The following MID1 variants were observed in gnomAD, a reference collection of about 807,000 sequenced individuals.
MID1 encodes the protein midline 1, also known as E3 ubiquitin-protein ligase Midline-1.
Under a neutral mutation model 40.4 loss-of-function variants are expected in MID1, and 7 were observed. The ratio of observed to expected loss-of-function variants is 0.17; its 90% confidence interval spans 0.10 to 0.33. The LOEUF (loss-of-function observed/expected upper bound fraction) is 0.33. Ranked by LOEUF, MID1 falls within the 10% of genes least tolerant of loss-of-function variation. The pLI is 1.00. For synonymous variants in MID1, 229 were observed against 221.2 expected, an observed-to-expected ratio of 1.04 and a Z score of -0.31; for missense variants, 367 against 558.5, an observed-to-expected ratio of 0.66 and a Z score of 3.46.
At chrX:10,558,929 T>C (rs915330062) in intron 2 of MID1, among the ~76,000 whole-genome samples, 2 of 112,089 alleles carry the variant, frequency 1.8e-5, no homozygotes, top group Non-Finnish European at 3.8e-5. Context: ...CCAACAATAA[T>C]AAATCACTAG....
chrX:10,584,947 T>G (rs1021496572), intron 1 of MID1, among the ~76,000 whole-genome samples: 3 of 110,246 alleles, frequency 2.7e-5, no homozygotes, highest in African/African-American at 9.9e-5. Context: ...AACTCTAAGG[T>G]GGGGGGGTCC....
intron 1 of MID1, among the ~76,000 whole-genome samples, chrX:10,832,643 A>T (rs186690696): frequency 1.3e-3 from 145 of 112,030 alleles, no homozygotes; most frequent in Non-Finnish European, 2.2e-3. Flanking sequence ...ATAAAAATAA[A>T]TTTTTTTACC....
At chrX:10,560,792 T>C (rs1934305125) in intron 2 of MID1, among the ~76,000 whole-genome samples, 1 of 111,109 alleles carries the variant, frequency 9.0e-6, no homozygotes, top group African/African-American at 3.3e-5. Context: ...ATGGCCATAC[T>C]GCCCAAAGTA....
intron 1 of MID1, among the ~76,000 whole-genome samples, chrX:10,637,220 CA>C (rs993779823): frequency 9.1e-6 from 1 of 109,716 alleles, no homozygotes; most frequent in African/African-American, 3.3e-5. Context: ...CTGTGTTCAC[CA>C]AAAAAAACTT....
chrX:10,753,766 A>T (rs1461793383), intron 1 of MID1, among the ~76,000 whole-genome samples: 1 of 112,441 alleles, frequency 8.9e-6, no homozygotes, highest in Non-Finnish European at 1.9e-5. Flanking sequence ...TGTCCCCAAA[A>T]TATCCACATC....
intron 1 of MID1, among the ~76,000 whole-genome samples, chrX:10,785,345 T>C (rs1344548061): frequency 9.0e-6 from 1 of 111,158 alleles, no homozygotes; most frequent in Admixed American, 9.5e-5. Flanking sequence ...GAACATTCCA[T>C]GCTCATGGGT....
intron 1 of MID1, among the ~76,000 whole-genome samples, chrX:10,762,526 T>G (rs1019405729): frequency 9.1e-6 from 1 of 109,596 alleles, no homozygotes; most frequent in Non-Finnish European, 1.9e-5. Flanking sequence ...CTCAACCTCC[T>G]GGGCTCAAGT....
intron 1 of MID1, among the ~76,000 whole-genome samples, chrX:10,745,766 T>C (rs1225930169): frequency 8.9e-6 from 1 of 112,183 alleles, no homozygotes; most frequent in Admixed American, 9.4e-5. Flanking sequence ...TGTAGAGACA[T>C]TGAGAATGTA....
intron 3 of MID1, chrX:10,501,370 T>C: frequency 8.9e-7 from 1 of 1,128,333 alleles, no homozygotes; most frequent in Non-Finnish European, 1.2e-6. Flanking sequence ...TTTCACCTCA[T>C]CTCATTTTTG....
intron 2 of MID1, among the ~76,000 whole-genome samples, chrX:10,537,124 C>A (rs189606825): frequency 4.9e-4 from 54 of 110,819 alleles, no homozygotes; most frequent in African/African-American, 1.7e-3. Context: ...CTCTCTCACA[C>A]GCAAAAAAAC....
intron 6 of MID1, among the ~76,000 whole-genome samples, chrX:10,472,974 G>A (rs948115537): frequency 8.9e-6 from 1 of 112,283 alleles, no homozygotes; most frequent in Non-Finnish European, 1.9e-5. Flanking sequence ...AAACTCATTC[G>A]CAAATGATAT....
chrX:10,588,595 C>G lies in MID1; in HGVS notation c.-56-20992G>C, dbSNP rs1935193757. 2.7e-5 allele frequency among the ~76,000 whole-genome samples: 3 copies of G among 109,203 alleles called. No individual in the cohort carries two copies. In the Admixed American group the frequency reaches 2.9e-4, roughly 11 times the overall value. 94.8% of individuals were successfully genotyped at this position (109,203 alleles called of 115,157 possible). A position where few individuals can be genotyped will look rare whatever the true frequency, so the allele number is the denominator to read the frequency against. The stretch of plus-strand genomic sequence containing the variant: ...ACTACTTGTATATTTCTCTCTTTCT[C>G]TTTTTCTTTCTCTCTTTGACTTTCT... On this transcript the variant is annotated intron_variant, in intron 1 of 9. Coordinates refer to ENST00000317552, the MANE Select transcript of MID1 (RefSeq NM_000381.4).
intron 1 of MID1, among the ~76,000 whole-genome samples, chrX:10,698,307 C>T (rs1156913527): frequency 1.8e-5 from 2 of 112,076 alleles, no homozygotes; most frequent in African/African-American, 3.2e-5. Context: ...AACTTGTGTT[C>T]GCCCTTGAAT....
At chrX:10,651,022 C>T (rs903449684) in intron 1 of MID1, among the ~76,000 whole-genome samples, 2 of 111,701 alleles carry the variant, frequency 1.8e-5, no homozygotes, top group Non-Finnish European at 3.8e-5. Context: ...AAAGATCCCC[C>T]ACATCTACAT....
chrX:10,653,181 T>C (rs1421794616), intron 1 of MID1, among the ~76,000 whole-genome samples: 1 of 112,315 alleles, frequency 8.9e-6, no homozygotes, highest in Non-Finnish European at 1.9e-5. Flanking sequence ...CCCAGCTTCA[T>C]ACACTTCCCC....
chrX:10,798,529 C>G (rs116824351), intron 1 of MID1, among the ~76,000 whole-genome samples: 71 of 111,781 alleles, frequency 6.4e-4, no homozygotes, highest in African/African-American at 2.2e-3. Flanking sequence ...CCCCATTTTG[C>G]TTCTGTTATT....
At chrX:10,458,411 G>A (rs1021131339) in intron 8 of MID1, among the ~76,000 whole-genome samples, 54 of 111,687 alleles carry the variant, frequency 4.8e-4, no homozygotes, top group African/African-American at 1.6e-3. Flanking sequence ...AATAGGAAAG[G>A]AACATTAGTG....
chrX:10,500,523 A>G, intron 3 of MID1, among the ~76,000 whole-genome samples: 1 of 112,507 alleles, frequency 8.9e-6, no homozygotes, highest in Middle Eastern at 4.6e-3. Flanking sequence ...CAAGTTAAAT[A>G]CTATTCTATA....
intron 1 of MID1, among the ~76,000 whole-genome samples, chrX:10,649,826 CAT>C (rs753799142): frequency 1.8e-5 from 2 of 112,071 alleles, no homozygotes; most frequent in Non-Finnish European, 3.8e-5. Context: ...ACAGTGCTCA[CAT>C]ATGAATTTAT....
Sources: gnomAD v4.1 joint callset for allele counts (sites outside exome capture counted in the v4.1 genomes callset) on GRCh38, gnomAD v4.1.1 for gene constraint, MANE v1.5 for transcripts, NCBI Gene and HGNC (gene_info 2026-07-23, HGNC 2026-07-21) for gene names.